Variants in NINJ2 observed in about 807,000 individuals in gnomAD.
NINJ2 encodes ninjurin 2.
NINJ2 carries 12 observed loss-of-function variants against 11.7 expected under a neutral mutation model. That is an observed-to-expected ratio of 1.02 (90% CI 0.66 to 1.66). The LOEUF (loss-of-function observed/expected upper bound fraction) is 1.66, where lower values mean the gene tolerates loss of function less well. Among genes scored for constraint, NINJ2 ranks in the 40% most tolerant of loss-of-function variants. The pLI is 0.00. For synonymous variants in NINJ2, 93 were observed against 76.8 expected, an observed-to-expected ratio of 1.21 and a Z score of -1.10; for missense variants, 187 against 181.8, an observed-to-expected ratio of 1.03 and a Z score of -0.16.
intron 1 of NINJ2, among the ~76,000 whole-genome samples, chr12:626,298 C>T (rs368669831): frequency 2.0e-5 from 3 of 152,216 alleles, no homozygotes; most frequent in East Asian, 3.8e-4. Flanking sequence ...GCTACATTCA[C>T]GGGAACCTTG....
intron 1 of NINJ2, among the ~76,000 whole-genome samples, chr12:646,561 A>G (rs1937686053): frequency 6.6e-6 from 1 of 152,200 alleles, no homozygotes; most frequent in African/African-American, 2.4e-5. Context: ...AAAGAGGGAC[A>G]GAGGAAGGGT....
chr12:599,277 G>GT (rs563358040), intron 1 of NINJ2, among the ~76,000 whole-genome samples: 299 of 147,616 alleles, frequency 2.0e-3, no homozygotes, highest in African/African-American at 7.4e-3. Context: ...CCAGCTACTT[G>GT]CGGGGCTGAG....
chr12:610,326 G>A (rs1450430590), intron 1 of NINJ2: 8 of 1,533,176 alleles, frequency 5.2e-6, no homozygotes, highest in Non-Finnish European at 7.0e-6. Context: ...TGAAGATCCC[G>A]TGGCCAGAGG....
intron 1 of NINJ2, among the ~76,000 whole-genome samples, chr12:629,081 G>A (rs538818375): frequency 3.4e-4 from 52 of 152,228 alleles, no homozygotes; most frequent in African/African-American, 6.3e-4. Flanking sequence ...TAGCAAACTC[G>A]CTTTCACTTT....
At chr12:656,559 G>C (rs1310782532) in intron 1 of NINJ2, among the ~76,000 whole-genome samples, 2 of 151,678 alleles carry the variant, frequency 1.3e-5, no homozygotes, top group Non-Finnish European at 2.9e-5. Context: ...GACCAGCCTG[G>C]CCAAGATGGT....
chr12:605,570 A>G (rs2120922167), intron 1 of NINJ2, among the ~76,000 whole-genome samples: 1 of 152,298 alleles, frequency 6.6e-6, no homozygotes, highest in South Asian at 2.1e-4. Context: ...AAAATAAAAG[A>G]GATGACATAA....
intron 1 of NINJ2, among the ~76,000 whole-genome samples, chr12:567,688 T>C (rs778751743): frequency 6.6e-6 from 1 of 152,206 alleles, no homozygotes; most frequent in Non-Finnish European, 1.5e-5. Context: ...ATCAGAACCT[T>C]TGGATTCTAT....
intron 1 of NINJ2, among the ~76,000 whole-genome samples, chr12:635,560 A>G (rs937900353): frequency 2.0e-5 from 3 of 152,226 alleles, no homozygotes; most frequent in African/African-American, 7.2e-5. Context: ...CCCTTACCTT[A>G]TGCCATATAC....
At chr12:647,735 G>A (rs7136756) in intron 1 of NINJ2, among the ~76,000 whole-genome samples, 40,945 of 151,998 alleles carry the variant, frequency 0.27, 5,988 homozygotes, top group Middle Eastern at 0.43. Context: ...GATCACCAGG[G>A]GACTTGTGAA....
chr12:619,778 T>C (rs1948132145), intron 1 of NINJ2, among the ~76,000 whole-genome samples: 1 of 152,188 alleles, frequency 6.6e-6, no homozygotes. Flanking sequence ...TTACATAAAG[T>C]AGTATTGCAT....
chr12:637,664 A>T (rs937486450), intron 1 of NINJ2, among the ~76,000 whole-genome samples: 1 of 151,914 alleles, frequency 6.6e-6, no homozygotes, highest in African/African-American at 2.4e-5. Context: ...AAGAAAAAGA[A>T]AAAGAAAAAC....
rs560394097 is a variant in NINJ2 at position 638,909 on chromosome 12, T to C, written c.33+24419A>G. Reference sequence around the variant, plus strand: ...CATTACATCAGTATCAATCGGTATATGGGAGGATGTAAATAACCTAGTGTA... The same window carrying C: ...CATTACATCAGTATCAATCGGTATACGGGAGGATGTAAATAACCTAGTGTA... On this transcript the variant is annotated intron_variant, in intron 1 of 3. Coordinates refer to ENST00000305108, the MANE Select transcript of NINJ2 (RefSeq NM_016533.6). Among the ~76,000 whole-genome samples, 38 of 152,314 alleles carry C rather than the reference T, an allele frequency of 2.5e-4. 1 individual carries two copies. The South Asian group carries it at 7.7e-3, about 31-fold the overall frequency.
intron 1 of NINJ2, among the ~76,000 whole-genome samples, chr12:615,983 G>A (rs1368847191): frequency 2.0e-5 from 3 of 152,212 alleles, no homozygotes; most frequent in African/African-American, 7.2e-5. Flanking sequence ...TTTTAGCTAG[G>A]GTGAGGGGCT....
chr12:652,530 A>G (rs1487835290), intron 1 of NINJ2, among the ~76,000 whole-genome samples: 1 of 152,228 alleles, frequency 6.6e-6, no homozygotes, highest in Non-Finnish European at 1.5e-5. Context: ...CAGGACTTCC[A>G]GAAAGAAGGA....
intron 1 of NINJ2, among the ~76,000 whole-genome samples, chr12:598,996 A>G (rs983462614): frequency 1.3e-5 from 2 of 150,860 alleles, no homozygotes; most frequent in African/African-American, 2.4e-5. Context: ...CACTGCGCCC[A>G]GCCTACAATG....
intron 1 of NINJ2, among the ~76,000 whole-genome samples, chr12:597,869 T>G (rs935973034): frequency 6.6e-6 from 1 of 152,274 alleles, no homozygotes; most frequent in African/African-American, 2.4e-5. Context: ...TGGGGAATGC[T>G]GGGCTATTAC....
intron 1 of NINJ2, among the ~76,000 whole-genome samples, chr12:612,565 C>G (rs928278247): frequency 1.3e-5 from 2 of 152,120 alleles, no homozygotes; most frequent in African/African-American, 4.8e-5. Flanking sequence ...AAATGAGAGG[C>G]CAGGCAGCCC....
chr12:619,588 GTCC>G (rs1353564702), intron 1 of NINJ2, among the ~76,000 whole-genome samples: 1 of 152,206 alleles, frequency 6.6e-6, no homozygotes, highest in Non-Finnish European at 1.5e-5. Flanking sequence ...TGCCTGCGGA[GTCC>G]TCCTGGGCCC....
At chr12:595,901 T>C (rs1432305074) in intron 1 of NINJ2, among the ~76,000 whole-genome samples, 3 of 152,118 alleles carry the variant, frequency 2.0e-5, no homozygotes, top group Admixed American at 1.3e-4. Context: ...AATGAAGACA[T>C]AAAATGGCAA....
Sources: gnomAD v4.1 joint callset for allele counts (sites outside exome capture counted in the v4.1 genomes callset) on GRCh38, gnomAD v4.1.1 for gene constraint, MANE v1.5 for transcripts, NCBI Gene and HGNC (gene_info 2026-07-23, HGNC 2026-07-21) for gene names.